The following ADAM10 variants were observed in gnomAD, a reference collection of about 807,000 sequenced individuals.
ADAM10 encodes the protein ADAM metallopeptidase domain 10.
Under a neutral mutation model 90.1 loss-of-function variants are expected in ADAM10, and 17 were observed. The observed-to-expected ratio is 0.19, with a 90% CI of 0.13 to 0.28. The LOEUF (loss-of-function observed/expected upper bound fraction) is 0.28, where lower values mean the gene tolerates loss of function less well. Among genes scored for constraint, ADAM10 ranks in the 10% least tolerant of loss-of-function variants. ADAM10 has a pLI of 1.00. For synonymous variants in ADAM10, 310 were observed against 298.6 expected, an observed-to-expected ratio of 1.04 and a Z score of -0.40; for missense variants, 610 against 914.3, an observed-to-expected ratio of 0.67 and a Z score of 4.29.
chr15:58,647,246 G>GCATTTTTTTTTTTT (rs1896569038), intron 5 of ADAM10, among the ~76,000 whole-genome samples: 1 of 36,852 alleles, frequency 2.7e-5, no homozygotes, highest in African/African-American at 7.4e-5. Flanking sequence ...TAGACACTAA[G>GCATTTTTTTTTTTT]TATTTTTTTT....
At chr15:58,712,583 G>T (rs958816454) in intron 2 of ADAM10, among the ~76,000 whole-genome samples, 1 of 151,888 alleles carries the variant, frequency 6.6e-6, no homozygotes, top group African/African-American at 2.4e-5. Context: ...ACTTTGGGAG[G>T]CCAAGGTGGG....
chr15:58,611,551 A>G, intron 12 of ADAM10: 2 of 404,946 alleles, frequency 4.9e-6, no homozygotes, highest in South Asian at 7.2e-5. Flanking sequence ...TAAAACTTAA[A>G]TATTATAGAC....
chr15:58,682,146 T>G, intron 3 of ADAM10, 50 bp downstream of exon 3: 4 of 1,601,404 alleles, frequency 2.5e-6, no homozygotes, highest in Non-Finnish European at 3.4e-6. Flanking sequence ...AGTATCTTTG[T>G]GTAGAAAAAA....
chr15:58,680,744 A>C (rs1287824103), intron 3 of ADAM10, among the ~76,000 whole-genome samples: 1 of 152,212 alleles, frequency 6.6e-6, no homozygotes. Context: ...GTAGAATAAC[A>C]TTAATTAGTT....
chr15:58,665,907 T>C (rs1897071843), intron 4 of ADAM10, among the ~76,000 whole-genome samples: 2 of 151,884 alleles, frequency 1.3e-5, no homozygotes, highest in South Asian at 4.1e-4. Context: ...TCATTCATCA[T>C]TCATGACGAT....
intron 4 of ADAM10, among the ~76,000 whole-genome samples, chr15:58,666,797 G>A (rs1207085783): frequency 6.6e-6 from 1 of 151,956 alleles, no homozygotes; most frequent in East Asian, 1.9e-4. Context: ...CCTTTTGAAA[G>A]CTTGAAACTT....
At chr15:58,734,639 G>A (rs1165716234) in intron 1 of ADAM10, among the ~76,000 whole-genome samples, 5 of 151,362 alleles carry the variant, frequency 3.3e-5, no homozygotes, top group Non-Finnish European at 5.9e-5. Flanking sequence ...AGTAGAGGCC[G>A]CAGTGAGCCA....
chr15:58,709,544 G>C (rs1595643053), intron 2 of ADAM10, among the ~76,000 whole-genome samples: 1 of 152,074 alleles, frequency 6.6e-6, no homozygotes, highest in African/African-American at 2.4e-5. Flanking sequence ...TTCGAGACCA[G>C]CCTGGCCAAC....
chr15:58,700,303 C>A (rs984804028), intron 2 of ADAM10, among the ~76,000 whole-genome samples: 5 of 152,246 alleles, frequency 3.3e-5, no homozygotes, highest in Non-Finnish European at 7.4e-5. Context: ...TTCTCATCAG[C>A]ACATGAAATA....
intron 14 of ADAM10, among the ~76,000 whole-genome samples, chr15:58,600,746 CTTTGT>C (rs755580080): frequency 1.2e-4 from 18 of 152,216 alleles, no homozygotes; most frequent in Middle Eastern, 3.4e-3. Context: ...AATATTCAAA[CTTTGT>C]TTTAAGACCA....
intron 11 of ADAM10, among the ~76,000 whole-genome samples, chr15:58,614,367 T>C (rs1470730159): frequency 1.3e-5 from 2 of 151,930 alleles, no homozygotes; most frequent in East Asian, 3.9e-4. Flanking sequence ...AAGTCTTCCT[T>C]GAGGATTTAT....
chr15:58,639,849 A>T (rs1161163404), intron 8 of ADAM10, among the ~76,000 whole-genome samples: 1 of 152,136 alleles, frequency 6.6e-6, no homozygotes, highest in African/African-American at 2.4e-5. Context: ...TAATAAGAAT[A>T]GGAATACAAA....
chr15:58,640,977 T>A lies in ADAM10; in HGVS notation c.829-17A>T, dbSNP rs747923345. On this transcript the variant is annotated splice_polypyrimidine_tract_variant and intron_variant, in intron 7 of 15. Coordinates refer to ENST00000260408, the MANE Select transcript of ADAM10 (RefSeq NM_001110.4). ...TGTATTGATCTAAAATCCAAAACAATAATTTAGTAAGTAATTAATGTTAGC... is the reference window on the plus strand; with the variant it reads ...TGTATTGATCTAAAATCCAAAACAAAAATTTAGTAAGTAATTAATGTTAGC... The A allele has an allele frequency of 6.2e-7, 1 of 1,605,478 alleles. No homozygotes were observed. The highest frequency in any genetic ancestry group is 1.1e-5 in the South Asian group (1 of 90,860).
At chr15:58,684,183 C>G (rs895359656) in intron 2 of ADAM10, among the ~76,000 whole-genome samples, 1 of 152,074 alleles carries the variant, frequency 6.6e-6, no homozygotes, top group Non-Finnish European at 1.5e-5. Context: ...TGCAACCATG[C>G]GAATTATTTT....
At chr15:58,648,397 T>A (rs1302812199) in intron 5 of ADAM10, among the ~76,000 whole-genome samples, 3 of 152,152 alleles carry the variant, frequency 2.0e-5, no homozygotes, top group African/African-American at 7.2e-5. Context: ...ATTTGTGAAA[T>A]GCAGTTTATA....
chr15:58,729,958 TAAAAA>T (rs776357246), intron 1 of ADAM10, among the ~76,000 whole-genome samples: 1 of 118,450 alleles, frequency 8.4e-6, no homozygotes, highest in African/African-American at 3.2e-5. Context: ...CGAGGCTCTG[TAAAAA>T]AAAACAAAAA....
At chr15:58,667,392 T>G (rs1033761194) in intron 4 of ADAM10, among the ~76,000 whole-genome samples, 8 of 152,140 alleles carry the variant, frequency 5.3e-5, no homozygotes, top group Admixed American at 6.5e-5. Flanking sequence ...AGGCATAAAA[T>G]ACTCACTTTT....
chr15:58,634,299 C>CA (rs1896188443), intron 8 of ADAM10, among the ~76,000 whole-genome samples: 1 of 136,744 alleles, frequency 7.3e-6, no homozygotes, highest in African/African-American at 3.2e-5. Flanking sequence ...GACACTCTGT[C>CA]TAAAAAAAAA....
intron 1 of ADAM10, among the ~76,000 whole-genome samples, chr15:58,737,779 C>T (rs1205540339): frequency 1.3e-5 from 2 of 152,118 alleles, no homozygotes; most frequent in African/African-American, 4.8e-5. Flanking sequence ...CCAAAACTTA[C>T]AATCTTCTGT....
Sources: allele counts gnomAD v4.1 joint callset (sites outside exome capture counted in the v4.1 genomes callset), GRCh38; gene constraint gnomAD v4.1.1; transcripts MANE v1.5; gene names NCBI Gene and HGNC (gene_info 2026-07-23, HGNC 2026-07-21).